RAB3B: variants seen among roughly 807,000 people sequenced by gnomAD.
RAB3B encodes ras-related protein Rab-3B.
In RAB3B, 11 loss-of-function variants were observed where a neutral mutation model predicts 20.5. The ratio of observed to expected loss-of-function variants is 0.54; its 90% CI spans 0.34 to 0.89. The LOEUF (loss-of-function observed/expected upper bound fraction) is 0.89, where lower values mean the gene tolerates loss of function less well. Among genes scored for constraint, RAB3B ranks in the 40% least tolerant of loss-of-function variants. RAB3B has a pLI of 0.02. For missense variants in RAB3B, 225 were observed against 280.9 expected, an observed-to-expected ratio of 0.80 and a Z score of 1.42; for synonymous variants, 99 against 106.3, an observed-to-expected ratio of 0.93 and a Z score of 0.42.
chr1:51,977,227 C>G (rs1003723692), intron 1 of RAB3B, 110 bp from the exon 2 acceptor site: 7 of 771,636 alleles, frequency 9.1e-6, no homozygotes, highest in Non-Finnish European at 1.5e-5. Flanking sequence ...TACTCCAGCA[C>G]CACTGAGGAA....
At chr1:51,961,738 C>T (rs181739936) in intron 2 of RAB3B, among the ~76,000 whole-genome samples, 1 of 152,136 alleles carries the variant, frequency 6.6e-6, no homozygotes, top group Non-Finnish European at 1.5e-5. Context: ...TTCAAAACTC[C>T]ATACATGGGT....
Position 51,909,222 on chromosome 1 carries a change from A to C in RAB3B, c.*10705T>G, listed in dbSNP as rs1159475879. 1 of 152,032 alleles carries C rather than the reference A, an allele frequency of 6.6e-6. No homozygotes were observed. The highest frequency in any genetic ancestry group is 1.9e-4 in the East Asian group (1 of 5,204). 9.4% of individuals were successfully genotyped at this position (152,032 alleles called of 1,614,324 possible). A position where few individuals can be genotyped will look rare whatever the true frequency, so the allele number is the denominator to read the frequency against. On this transcript the variant is annotated 3_prime_UTR_variant, in exon 5 of 5. Transcript: ENST00000371655. ...GAGGTGGAGGGAAGGAGCTGAAAGAAGGAGGGGATCCTTGGAAAGGGCTCT... is the reference window on the plus strand; with the variant it reads ...GAGGTGGAGGGAAGGAGCTGAAAGACGGAGGGGATCCTTGGAAAGGGCTCT...
At chr1:51,926,999 G>T (rs1441299532) in intron 4 of RAB3B, among the ~76,000 whole-genome samples, 2 of 152,198 alleles carry the variant, frequency 1.3e-5, no homozygotes, top group African/African-American at 2.4e-5. Flanking sequence ...GCAGCCTTCT[G>T]TGCTAGAAGT....
chr1:51,932,727 A>C (rs1229338161), intron 4 of RAB3B, among the ~76,000 whole-genome samples: 1 of 152,222 alleles, frequency 6.6e-6, no homozygotes, highest in Admixed American at 6.5e-5. Flanking sequence ...CATTCAGCAT[A>C]CAGAGTCTGC....
At chr1:51,979,054 T>C (rs545450807) in intron 1 of RAB3B, among the ~76,000 whole-genome samples, 40 of 152,140 alleles carry the variant, frequency 2.6e-4, no homozygotes, top group Non-Finnish European at 5.6e-4. Context: ...CATCCCTGTA[T>C]CAATCTGCCC....
intron 4 of RAB3B, among the ~76,000 whole-genome samples, chr1:51,928,273 AT>A (rs1684274154): frequency 6.6e-6 from 1 of 151,924 alleles, no homozygotes; most frequent in Non-Finnish European, 1.5e-5. Context: ...CGCCTGGCTA[AT>A]TTTTGTATTT....
At chr1:51,958,338 C>A (rs534804003) in intron 2 of RAB3B, among the ~76,000 whole-genome samples, 3 of 152,316 alleles carry the variant, frequency 2.0e-5, no homozygotes, top group South Asian at 4.1e-4. Context: ...GATGACAAGA[C>A]CTCCTCTTGT....
chr1:51,955,064 A>T (rs1354975090), intron 2 of RAB3B, among the ~76,000 whole-genome samples: 1 of 152,242 alleles, frequency 6.6e-6, no homozygotes, highest in Non-Finnish European at 1.5e-5. Context: ...GGATCAGGTC[A>T]CTGCTGCTTC....
rs1296011085 is a variant in RAB3B at position 51,966,548 on chromosome 1, C to T, written c.228+10342G>A. On this transcript the variant is annotated intron_variant, in intron 2 of 4. Coordinates refer to ENST00000371655, the MANE Select transcript of RAB3B (RefSeq NM_002867.4). The stretch of plus-strand genomic sequence containing the variant: ...CCCCTTCAATAGTCAATCAGGATGG[C>T]TTGTTAATTCATTTGAAAATTACAG... 2.6e-5 allele frequency among the ~76,000 whole-genome samples: 4 copies of T among 152,150 alleles called. No homozygotes were observed. The East Asian group carries it at 5.8e-4, about 22-fold the overall frequency.
In RAB3B at chr1:51,910,555, C is replaced by T. The variant is rs1683984003; in HGVS notation, c.*9372G>A. ...AGCCTCAGAAACCAGGACCATACGC[C>T]TGGCTAAGTGATGAGGGGGTCACAC... is the stretch of plus-strand genomic sequence containing the variant. On this transcript the variant is annotated 3_prime_UTR_variant, in exon 5 of 5. Transcript: ENST00000371655. The T allele has an allele frequency of 6.6e-6, 1 of 152,204 alleles. No homozygotes were observed. 9.4% of individuals were successfully genotyped at this position (152,204 alleles called of 1,614,324 possible).
At chr1:51,970,998 G>A (rs1269937456) in intron 2 of RAB3B, among the ~76,000 whole-genome samples, 1 of 128,838 alleles carries the variant, frequency 7.8e-6, no homozygotes, top group Non-Finnish European at 1.6e-5. Flanking sequence ...GTGACAGAGC[G>A]AGACTCCGTC....
intron 2 of RAB3B, among the ~76,000 whole-genome samples, chr1:51,966,222 G>GC (rs2124296436): frequency 6.6e-6 from 1 of 152,266 alleles, no homozygotes; most frequent in Non-Finnish European, 1.5e-5. Context: ...AAAAAAATCA[G>GC]ACTCATTTGT....
At chr1:51,974,550 G>A (rs1684982579) in intron 2 of RAB3B, among the ~76,000 whole-genome samples, 1 of 152,166 alleles carries the variant, frequency 6.6e-6, no homozygotes, top group Admixed American at 6.5e-5. Flanking sequence ...CTTTAATAGA[G>A]AGCAAATGAA....
intron 4 of RAB3B, among the ~76,000 whole-genome samples, chr1:51,924,081 G>T (rs911035112): frequency 2.0e-5 from 3 of 152,114 alleles, no homozygotes; most frequent in Non-Finnish European, 2.9e-5. Context: ...TAGGTGCTTA[G>T]TGAATGTTGG....
chr1:51,982,999 G>A (rs543340186), intron 1 of RAB3B, among the ~76,000 whole-genome samples: 23 of 152,008 alleles, frequency 1.5e-4, no homozygotes, highest in African/African-American at 4.1e-4. Context: ...AGCAACTGCC[G>A]GCCCTGCAAG....
At position 51,919,697 on chromosome 1, in the gene RAB3B, A is replaced by G. The variant is rs148255874; in HGVS notation, c.*230T>C. 3.8e-4 allele frequency: 157 copies of G among 414,752 alleles called. No individual in the cohort carries two copies. Among genetic ancestry groups the G allele is most frequent in the African/African-American group, 2.7e-3 (135 of 50,216 alleles). The allele number at this position is 414,752 out of a possible 1,614,324, so 25.7% of individuals were successfully genotyped here. ...AAACAGAGTCTTCTTTTGTAAAGTG[A>G]TTCTGCACCCGTGTAGTGACCTGTT... On this transcript the variant is annotated 3_prime_UTR_variant, in exon 5 of 5. Coordinates refer to ENST00000371655, the MANE Select transcript of RAB3B (RefSeq NM_002867.4).
intron 4 of RAB3B, among the ~76,000 whole-genome samples, chr1:51,925,746 C>A (rs1460745639): frequency 1.3e-5 from 2 of 152,254 alleles, no homozygotes; most frequent in Non-Finnish European, 2.9e-5. Flanking sequence ...CCTGTACTCT[C>A]ATGGCACTTT....
chr1:51,981,685 TTCAG>T (rs3991196), intron 1 of RAB3B, among the ~76,000 whole-genome samples: 5,450 of 152,280 alleles, frequency 0.036, 117 homozygotes, highest in Non-Finnish European at 0.043. Flanking sequence ...ATAACAACAT[TTCAG>T]TCAATGACAG....
intron 2 of RAB3B, among the ~76,000 whole-genome samples, chr1:51,950,217 A>G (rs1684619577): frequency 6.6e-6 from 1 of 152,250 alleles, no homozygotes; most frequent in South Asian, 2.1e-4. Context: ...TTTCATCCAG[A>G]ACCAGCAGCA....
Sources: allele counts gnomAD v4.1 joint callset (sites outside exome capture counted in the v4.1 genomes callset), GRCh38; gene constraint gnomAD v4.1.1; transcripts MANE v1.5; gene names NCBI Gene and HGNC (gene_info 2026-07-23, HGNC 2026-07-21).